Variants in MARCHF1 observed in about 807,000 individuals in gnomAD.
MARCHF1 encodes membrane associated ring-CH-type finger 1.
A neutral mutation model predicts 54.2 loss-of-function variants in MARCHF1; 40 were observed. The ratio of observed to expected loss-of-function variants is 0.74; its 90% confidence interval spans 0.57 to 0.96. MARCHF1 has a LOEUF of 0.96. Ranked by LOEUF, MARCHF1 falls within the 40% of genes least tolerant of loss-of-function variation. The pLI is 0.00. For missense variants in MARCHF1, 586 were observed against 656.5 expected (o/e 0.89, Z 1.17); for synonymous variants, 236 against 236.3 (o/e 1.00, Z 0.01).
At chr4:164,095,863 G>A (rs1041167962) in intron 2 of MARCHF1, among the ~76,000 whole-genome samples, 1 of 151,932 alleles carries the variant, frequency 6.6e-6, no homozygotes, top group African/African-American at 2.4e-5. Flanking sequence ...AAACCACAAT[G>A]ACATACCATC....
At chr4:163,785,690 C>A (rs1417142900) in intron 4 of MARCHF1, among the ~76,000 whole-genome samples, 1 of 151,686 alleles carries the variant, frequency 6.6e-6, no homozygotes, top group Non-Finnish European at 1.5e-5. Flanking sequence ...CCCATAGTAC[C>A]TGTCAAATGA....
chr4:163,668,905 T>G (rs546238827), intron 5 of MARCHF1, among the ~76,000 whole-genome samples: 105 of 152,244 alleles, frequency 6.9e-4, no homozygotes, highest in African/African-American at 2.4e-3. Flanking sequence ...GCTAGGTGTG[T>G]GGGCCGACCT....
intron 3 of MARCHF1, among the ~76,000 whole-genome samples, chr4:163,862,360 A>G (rs1200521875): frequency 6.6e-6 from 1 of 152,080 alleles, no homozygotes; most frequent in African/African-American, 2.4e-5. Flanking sequence ...AAACTCAACA[A>G]TTAGAAAGTG....
At chr4:164,302,802 G>C (rs1734596559) in intron 1 of MARCHF1, among the ~76,000 whole-genome samples, 1 of 150,616 alleles carries the variant, frequency 6.6e-6, no homozygotes, top group South Asian at 2.1e-4. Context: ...CTGGGAGGTG[G>C]AGGTTGCAGT....
At chr4:164,189,219 C>T (rs79900254) in intron 1 of MARCHF1, 24,318 of 566,576 alleles carry the variant, frequency 0.043, 685 homozygotes, top group Non-Finnish European at 0.06. Flanking sequence ...TCAGGAAAGA[C>T]GATAGGGCTG....
At chr4:163,843,635 A>C (rs1051566935) in intron 4 of MARCHF1, among the ~76,000 whole-genome samples, 1 of 151,970 alleles carries the variant, frequency 6.6e-6, no homozygotes, top group African/African-American at 2.4e-5. Flanking sequence ...CTATCAACCC[A>C]TCACTTAGGT....
At chr4:163,910,946 A>C (rs1422312445) in intron 3 of MARCHF1, among the ~76,000 whole-genome samples, 3 of 152,242 alleles carry the variant, frequency 2.0e-5, no homozygotes, top group African/African-American at 7.2e-5. Context: ...AGTTAAATGC[A>C]AAAATAACAT....
chr4:163,755,246 C>T (rs943736452), intron 4 of MARCHF1, among the ~76,000 whole-genome samples: 1 of 152,122 alleles, frequency 6.6e-6, no homozygotes, highest in African/African-American at 2.4e-5. Context: ...AATTCCAAGC[C>T]AATAAAATAT....
intron 5 of MARCHF1, among the ~76,000 whole-genome samples, chr4:163,669,185 C>T (rs966416969): frequency 3.9e-5 from 6 of 152,126 alleles, no homozygotes; most frequent in African/African-American, 9.7e-5. Context: ...TCTGAGTGAA[C>T]GCTGACTTGG....
At chr4:163,889,010 G>T (rs147624498) in intron 3 of MARCHF1, among the ~76,000 whole-genome samples, 16 of 152,230 alleles carry the variant, frequency 1.1e-4, no homozygotes, top group South Asian at 8.3e-4. Flanking sequence ...TGCATGGTAG[G>T]TATACAAGAG....
At chr4:164,256,611 AAC>A (rs1337790621) in intron 1 of MARCHF1, among the ~76,000 whole-genome samples, 1 of 152,162 alleles carries the variant, frequency 6.6e-6, no homozygotes, top group Admixed American at 6.5e-5. Flanking sequence ...AGGAGACATG[AAC>A]ACAGACTGAG....
In MARCHF1 at chr4:163,531,074, A is replaced by T. The variant is rs555207322; in HGVS notation, c.1340-2028T>A. 6.6e-5 allele frequency among the ~76,000 whole-genome samples: 10 copies of T among 152,074 alleles called. No individual in the cohort carries two copies. In the South Asian group the frequency reaches 2.1e-3, roughly 31 times the overall value. On this transcript the variant is annotated intron_variant, in intron 9 of 9. Coordinates refer to ENST00000514618, the MANE Select transcript of MARCHF1 (RefSeq NM_001394959.1). ...ACCAAACATTTAAAGAAGAAATGACATCAATGTTCTACAGTCTTTTCCAGA... is the reference window on the plus strand; with the variant it reads ...ACCAAACATTTAAAGAAGAAATGACTTCAATGTTCTACAGTCTTTTCCAGA...
Position 163,603,075 on chromosome 4 carries a change from A to G in MARCHF1, c.1010+9196T>C, listed in dbSNP as rs570164208. Among the ~76,000 whole-genome samples, 44 of 152,252 alleles carry G rather than the reference A, an allele frequency of 2.9e-4. No individual in the cohort carries two copies. The South Asian group carries it at 4.8e-3, about 16-fold the overall frequency. ...TGTTCCAAAGGTTTGCAGAGAGCCA[A>G]TGGGCAAGTGACCTAGACAATGGGT... On this transcript the variant is annotated intron_variant, in intron 7 of 9. Transcript: ENST00000514618.
At chr4:163,918,748 T>C (rs1464637021) in intron 3 of MARCHF1, among the ~76,000 whole-genome samples, 1 of 143,964 alleles carries the variant, frequency 6.9e-6, no homozygotes, top group East Asian at 2.2e-4. Context: ...TTTGCTAATG[T>C]ATGCATTAAC....
At chr4:163,965,807 C>T (rs535666761) in intron 3 of MARCHF1, among the ~76,000 whole-genome samples, 22 of 152,160 alleles carry the variant, frequency 1.4e-4, no homozygotes, top group African/African-American at 5.3e-4. Context: ...GCATGCTTTG[C>T]TACTGAATCT....
intron 2 of MARCHF1, among the ~76,000 whole-genome samples, chr4:164,012,778 C>T (rs138695300): frequency 6.6e-6 from 1 of 152,264 alleles, no homozygotes; most frequent in African/African-American, 2.4e-5. Context: ...CCCAAGTTCA[C>T]CAAGGCAGTG....
intron 1 of MARCHF1, among the ~76,000 whole-genome samples, chr4:164,271,176 T>C (rs1309629959): frequency 6.6e-6 from 1 of 152,278 alleles, no homozygotes; most frequent in South Asian, 2.1e-4. Context: ...AAGATGCCCA[T>C]GCCTAACCCT....
rs375569183 is a variant in MARCHF1 at position 164,015,704 on chromosome 4, G to GA, written c.-247-26996dup. 2.1e-3 allele frequency among the ~76,000 whole-genome samples: 317 copies of GA among 148,536 alleles called. 1 individual carries two copies. The highest frequency in any genetic ancestry group is 5.6e-3 in the African/African-American group (227 of 40,604). On this transcript the variant is annotated intron_variant, in intron 2 of 9. Transcript: ENST00000514618. The stretch of plus-strand genomic sequence containing the variant: ...GACACACAAATGGCCAATAGTATAT[G>GA]AAAAAAAAAATGCCCAGCATCACTA...
At chr4:164,201,848 G>T (rs1306555630) in intron 1 of MARCHF1, among the ~76,000 whole-genome samples, 2 of 152,062 alleles carry the variant, frequency 1.3e-5, no homozygotes, top group East Asian at 3.9e-4. Flanking sequence ...AATGTATAAG[G>T]CTTTAACTTT....
Sources: gnomAD v4.1 joint callset for allele counts (sites outside exome capture counted in the v4.1 genomes callset) on GRCh38, gnomAD v4.1.1 for gene constraint, MANE v1.5 for transcripts, NCBI Gene and HGNC (gene_info 2026-07-23, HGNC 2026-07-21) for gene names.